The following DHRSX variants were observed in gnomAD, a reference collection of about 807,000 sequenced individuals.
DHRSX encodes the protein dehydrogenase/reductase X-linked.
DHRSX carries 31 observed loss-of-function variants against 34.0 expected under a neutral mutation model. That is an observed-to-expected ratio of 0.91 (90% CI 0.69 to 1.23). DHRSX has a LOEUF of 1.23. Ranked by LOEUF, DHRSX falls within the 50% of genes most tolerant of loss-of-function variation. DHRSX has a pLI of 0.00. For synonymous variants in DHRSX, 201 were observed against 183.8 expected, an observed-to-expected ratio of 1.09 and a Z score of -0.76; for missense variants, 414 against 428.1, an observed-to-expected ratio of 0.97 and a Z score of 0.29.
intron 6 of DHRSX, among the ~76,000 whole-genome samples, chrX:2,222,892 TC>T (rs1403533029): frequency 2.6e-5 from 4 of 152,116 alleles, no homozygotes; most frequent in Admixed American, 2.6e-4. Flanking sequence ...CACCAGCCCA[TC>T]CTCTGGGTGC....
At chrX:2,236,582 C>T (rs1466081273) in intron 6 of DHRSX, among the ~76,000 whole-genome samples, 1 of 152,128 alleles carries the variant, frequency 6.6e-6, no homozygotes, top group East Asian at 1.9e-4. Flanking sequence ...CAGGCGTCCG[C>T]CACCATGCCT....
chrX:2,311,451 ACT>A (rs1602920870), intron 3 of DHRSX, among the ~76,000 whole-genome samples: 1 of 152,214 alleles, frequency 6.6e-6, no homozygotes, highest in Non-Finnish European at 1.5e-5. Flanking sequence ...TTCAGGATAA[ACT>A]CTGTAAATAT....
intron 3 of DHRSX, among the ~76,000 whole-genome samples, chrX:2,352,200 T>C (rs1314064848): frequency 1.3e-5 from 2 of 152,058 alleles, no homozygotes; most frequent in Non-Finnish European, 2.9e-5. Context: ...AACCCTAAAC[T>C]ATGATATAAT....
intron 6 of DHRSX, among the ~76,000 whole-genome samples, chrX:2,231,492 C>A (rs1459946019): frequency 1.3e-5 from 2 of 149,596 alleles, no homozygotes; most frequent in Non-Finnish European, 3.0e-5. Context: ...CCTCCTCTTT[C>A]ATTTCTTCCT....
At chrX:2,357,175 C>T (rs1463584571) in intron 3 of DHRSX, among the ~76,000 whole-genome samples, 14 of 151,962 alleles carry the variant, frequency 9.2e-5, no homozygotes, top group Admixed American at 4.6e-4. Context: ...ACCCAGGAGG[C>T]GGAGATTGCA....
In DHRSX at chrX:2,358,967, G is replaced by C. The variant is rs775838124; in HGVS notation, c.286+49778C>G. Reference sequence around the variant, plus strand: ...CTGTCTCGGAAAAAAAAAAAAAAAAGACATACATCCAGCCGACAAGCCTAT... The same window carrying C: ...CTGTCTCGGAAAAAAAAAAAAAAAACACATACATCCAGCCGACAAGCCTAT... On this transcript the variant is annotated intron_variant, in intron 3 of 6. Coordinates refer to ENST00000334651, the MANE Select transcript of DHRSX (RefSeq NM_145177.3). 3.7e-3 allele frequency among the ~76,000 whole-genome samples: 513 copies of C among 139,184 alleles called. 3 individuals are homozygous for C. The highest frequency in any genetic ancestry group is 0.011 in the African/African-American group (410 of 38,830). The allele number at this position is 139,184 out of a possible 152,430, so 91.3% of individuals were successfully genotyped here. A position where few individuals can be genotyped will look rare whatever the true frequency, so the allele number is the denominator to read the frequency against.
At chrX:2,465,058 G>T (rs1382041688) in intron 1 of DHRSX, among the ~76,000 whole-genome samples, 1 of 151,776 alleles carries the variant, frequency 6.6e-6, no homozygotes, top group East Asian at 1.9e-4. Context: ...CGTTCCCTAG[G>T]CATATGGCCA....
At chrX:2,358,949 G>A (rs1182898838) in intron 3 of DHRSX, among the ~76,000 whole-genome samples, 2 of 129,498 alleles carry the variant, frequency 1.5e-5, no homozygotes, top group African/African-American at 2.8e-5. Context: ...ACTCTGTCTC[G>A]GAAAAAAAAA....
chrX:2,425,309 A>G lies in DHRSX; in HGVS notation c.110-5T>C. ...GGTCAGGTCGTGGGGGGAAAACTGA[A>G]AAAGAAGAAGAGAAAATCATCAAAC... On this transcript the variant is annotated splice_polypyrimidine_tract_variant and splice_region_variant and intron_variant, in intron 1 of 6. Transcript: ENST00000334651. 1 of 1,608,438 alleles carries G rather than the reference A, an allele frequency of 6.2e-7. No homozygotes were observed.
At chrX:2,224,229 C>A (rs1210649002) in intron 6 of DHRSX, among the ~76,000 whole-genome samples, 1 of 135,156 alleles carries the variant, frequency 7.4e-6, no homozygotes, top group Non-Finnish European at 1.5e-5. Context: ...CCCGGAGAGG[C>A]CCCTGTGTTC....
intron 5 of DHRSX, among the ~76,000 whole-genome samples, chrX:2,263,678 T>C (rs1017632144): frequency 3.3e-5 from 5 of 151,808 alleles, no homozygotes; most frequent in African/African-American, 1.2e-4. Flanking sequence ...CACGCCTGGC[T>C]AATTTTGTAT....
At chrX:2,346,698 G>C (rs1271190807) in intron 3 of DHRSX, among the ~76,000 whole-genome samples, 1 of 151,598 alleles carries the variant, frequency 6.6e-6, no homozygotes, top group Non-Finnish European at 1.5e-5. Context: ...TACATGTGCA[G>C]AACATGCAGG....
intron 3 of DHRSX, chrX:2,334,221 T>A (rs1279465940): frequency 2.3e-5 from 3 of 133,216 alleles, no homozygotes; most frequent in Non-Finnish European, 4.6e-5. Context: ...TGGAGTGCAA[T>A]GGCATGATCT....
intron 3 of DHRSX, among the ~76,000 whole-genome samples, chrX:2,330,627 GAA>G (rs1374497954): frequency 4.0e-5 from 6 of 149,354 alleles, no homozygotes; most frequent in Admixed American, 2.7e-4. Context: ...GAGGAGGAGA[GAA>G]AGGGAAGGAG....
chrX:2,229,379 C>T (rs1569476930), intron 6 of DHRSX, among the ~76,000 whole-genome samples: 1 of 152,054 alleles, frequency 6.6e-6, no homozygotes, highest in Non-Finnish European at 1.5e-5. Context: ...GCAACACTTC[C>T]TCTCCATACC....
At chrX:2,374,838 G>A (rs1182928391) in intron 3 of DHRSX, among the ~76,000 whole-genome samples, 3 of 137,688 alleles carry the variant, frequency 2.2e-5, no homozygotes, top group East Asian at 4.0e-4. Context: ...TTGGGAGGCC[G>A]TGGTGGAAGG....
chrX:2,304,204 A>ATGGATGGATAGATGGATGGATGG (rs2042067645), intron 3 of DHRSX, among the ~76,000 whole-genome samples: 2 of 62,048 alleles, frequency 3.2e-5, no homozygotes, highest in African/African-American at 7.5e-5. Context: ...TGGATGGATA[A>ATGGATGGATAGATGGATGGATGG]ATGGATGGAT....
intron 3 of DHRSX, among the ~76,000 whole-genome samples, chrX:2,374,119 G>A (rs2043112970): frequency 6.6e-6 from 1 of 152,162 alleles, no homozygotes; most frequent in Admixed American, 6.6e-5. Flanking sequence ...TTGTTCTAAA[G>A]AAATGGAGTC....
intron 3 of DHRSX, among the ~76,000 whole-genome samples, chrX:2,349,008 G>C (rs2042754180): frequency 6.6e-6 from 1 of 151,950 alleles, no homozygotes; most frequent in South Asian, 2.1e-4. Flanking sequence ...GTCTCTTTTT[G>C]CACAGCTGGG....
Sources: gnomAD v4.1 joint callset for allele counts (sites outside exome capture counted in the v4.1 genomes callset) on GRCh38, gnomAD v4.1.1 for gene constraint, MANE v1.5 for transcripts, NCBI Gene and HGNC (gene_info 2026-07-23, HGNC 2026-07-21) for gene names.